The following MTSS1 variants were observed in gnomAD, a reference collection of about 807,000 sequenced individuals.
The protein encoded by MTSS1 is protein MTSS 1.
In MTSS1, 18 loss-of-function variants were observed where a neutral mutation model predicts 79.0. The observed-to-expected ratio is 0.23, with a 90% CI of 0.16 to 0.34. MTSS1 has a LOEUF of 0.34. Ranked by LOEUF, MTSS1 falls within the 10% of genes least tolerant of loss-of-function variation. MTSS1 has a pLI of 1.00. For synonymous variants in MTSS1, 341 were observed against 368.6 expected, an observed-to-expected ratio of 0.93 and a Z score of 0.86; for missense variants, 815 against 986.2, an observed-to-expected ratio of 0.83 and a Z score of 2.33.
intron 6 of MTSS1, among the ~76,000 whole-genome samples, chr8:124,584,586 T>C (rs1830537259): frequency 6.6e-6 from 1 of 152,138 alleles, no homozygotes; most frequent in South Asian, 2.1e-4. Context: ...CAGTGGTAGA[T>C]TATCAAGCTC....
chr8:124,640,412 A>T (rs968089580), intron 3 of MTSS1, among the ~76,000 whole-genome samples: 2 of 152,140 alleles, frequency 1.3e-5, no homozygotes, highest in Non-Finnish European at 2.9e-5. Context: ...TAGAGTGGGG[A>T]TCTGCTGACT....
chr8:124,593,915 C>T (rs1832302537), intron 3 of MTSS1, among the ~76,000 whole-genome samples: 1 of 152,178 alleles, frequency 6.6e-6, no homozygotes, highest in Non-Finnish European at 1.5e-5. Flanking sequence ...TATTGGTCTA[C>T]ACGCTATTAC....
rs142679194 is a variant in MTSS1 at position 124,659,515 on chromosome 8, T to G, written c.208+40011A>C. 3.7e-3 allele frequency among the ~76,000 whole-genome samples: 568 copies of G among 152,240 alleles called. 5 individuals carry two copies. Among genetic ancestry groups the G allele is most frequent in the African/African-American group, 0.013 (558 of 41,538 alleles). ...TAATTCCAGAAAAGCTACCTAAAAA[T>G]CACATGGCGCTGCTCAGCTCATTTC... On this transcript the variant is annotated intron_variant, in intron 3 of 13. Coordinates refer to ENST00000518547, the MANE Select transcript of MTSS1 (RefSeq NM_014751.6).
intron 3 of MTSS1, among the ~76,000 whole-genome samples, chr8:124,648,611 T>C (rs376635976): frequency 2.0e-5 from 3 of 152,012 alleles, no homozygotes; most frequent in South Asian, 4.2e-4. Flanking sequence ...CACATCAAAG[T>C]TGGTGGGAAG....
At chr8:124,660,847 G>A (rs1446325908) in intron 3 of MTSS1, among the ~76,000 whole-genome samples, 1 of 152,254 alleles carries the variant, frequency 6.6e-6, no homozygotes, top group East Asian at 1.9e-4. Flanking sequence ...TCTATACTAA[G>A]CAGCCTGGTC....
At chr8:124,643,065 G>A (rs1003372928) in intron 3 of MTSS1, among the ~76,000 whole-genome samples, 3 of 152,126 alleles carry the variant, frequency 2.0e-5, no homozygotes, top group African/African-American at 7.2e-5. Context: ...CATAATTAAG[G>A]GGGAAAACTG....
chr8:124,612,914 G>C (rs1218319064), intron 3 of MTSS1, among the ~76,000 whole-genome samples: 1 of 152,020 alleles, frequency 6.6e-6, no homozygotes, highest in East Asian at 1.9e-4. Context: ...CTAAACAAGT[G>C]GACAAATTCC....
At chr8:124,669,813 A>G (rs1349951664) in intron 3 of MTSS1, among the ~76,000 whole-genome samples, 2 of 152,188 alleles carry the variant, frequency 1.3e-5, no homozygotes, top group Non-Finnish European at 2.9e-5. Context: ...GCTACAGAAC[A>G]CTAGAGGAAT....
At chr8:124,698,153 A>G (rs1032943499) in intron 3 of MTSS1, 1 of 152,224 alleles carries the variant, frequency 6.6e-6, no homozygotes, top group African/African-American at 2.4e-5. Flanking sequence ...CTGAAATAAA[A>G]GGAGTTTGTT....
At chr8:124,616,340 G>A (rs908568159) in intron 3 of MTSS1, among the ~76,000 whole-genome samples, 3 of 148,832 alleles carry the variant, frequency 2.0e-5, no homozygotes, top group Non-Finnish European at 3.0e-5. Context: ...TCATTGCTGC[G>A]GCTGTTGTTA....
chr8:124,587,803 C>A (rs1831138817), intron 5 of MTSS1, among the ~76,000 whole-genome samples: 1 of 152,176 alleles, frequency 6.6e-6, no homozygotes, highest in Non-Finnish European at 1.5e-5. Flanking sequence ...CCACGCCTGG[C>A]CTATATTAAC....
chr8:124,562,852 G>A lies in MTSS1; in HGVS notation c.965C>T (p.Ser322Leu). 6.2e-7 allele frequency: 1 copy of A among 1,614,170 alleles called. No homozygotes were observed. The highest frequency in any genetic ancestry group is 8.5e-7 in the Non-Finnish European group (1 of 1,180,020). Reference protein sequence around the residue: ...VRLSSVSSHDSGFISQDAFQS... With the variant: ...VRLSSVSSHDLGFISQDAFQS... ...GAAGGCATCCTGGGATATGAATCCT[G>A]AGTCATGGGAGGACACGCTGGACAG... Residue 322 changes from serine to leucine, a missense_variant, in exon 10 of 14, where the codon TCA becomes TTA. Ser to Leu is a moderately radical substitution (Grantham distance 145). Around this residue, in one of 2 missense-constraint regions of MTSS1, gnomAD observed 590 missense variants for 620.8 expected, o/e 0.95. Transcript: ENST00000518547.
At chr8:124,669,547 G>A (rs1823740704) in intron 3 of MTSS1, among the ~76,000 whole-genome samples, 2 of 152,218 alleles carry the variant, frequency 1.3e-5, no homozygotes, top group African/African-American at 2.4e-5. Context: ...TATATTGAAG[G>A]TAGTTTTGTT....
intron 6 of MTSS1, among the ~76,000 whole-genome samples, chr8:124,572,656 T>C (rs1210987573): frequency 1.3e-5 from 2 of 151,950 alleles, no homozygotes; most frequent in Admixed American, 1.3e-4. Context: ...CCTGAACAGA[T>C]GCCAACAGCC....
At chr8:124,557,165 G>C (rs145878337) in intron 11 of MTSS1, among the ~76,000 whole-genome samples, 1 of 152,172 alleles carries the variant, frequency 6.6e-6, no homozygotes, top group African/African-American at 2.4e-5. Context: ...TAAAGTCTGC[G>C]TGTACTGTTA....
chr8:124,595,806 A>G lies in MTSS1; in HGVS notation c.209-4571T>C, dbSNP rs2008250. ...GAGTTGTGAATCTGGAGAGTGTGGC[A>G]GGGCACTGTGGCTGACTGCAGCACC... is the stretch of plus-strand genomic sequence containing the variant. On this transcript the variant is annotated intron_variant, in intron 3 of 13. Coordinates refer to ENST00000518547, the MANE Select transcript of MTSS1 (RefSeq NM_014751.6). Among the ~76,000 whole-genome samples, 39 of 152,104 alleles carry G rather than the reference A, an allele frequency of 2.6e-4. No individual in the cohort carries two copies. The South Asian group carries it at 6.2e-3, about 24-fold the overall frequency.
At chr8:124,620,092 T>A (rs146937138) in intron 3 of MTSS1, among the ~76,000 whole-genome samples, 96 of 152,224 alleles carry the variant, frequency 6.3e-4, no homozygotes, top group African/African-American at 2.1e-3. Context: ...ATTACAGGCA[T>A]GCGCCACCAT....
chr8:124,665,046 C>T (rs1822797554), intron 3 of MTSS1, among the ~76,000 whole-genome samples: 1 of 151,938 alleles, frequency 6.6e-6, no homozygotes, highest in African/African-American at 2.4e-5. Flanking sequence ...AGGAAATAAG[C>T]ATTTTTTTTA....
At chr8:124,578,499 A>G (rs1054937017) in intron 6 of MTSS1, among the ~76,000 whole-genome samples, 11 of 151,984 alleles carry the variant, frequency 7.2e-5, no homozygotes, top group Non-Finnish European at 1.5e-4. Flanking sequence ...TTTTGCTTAT[A>G]TTCATCCCAG....
Sources: gnomAD v4.1 joint callset for allele counts (sites outside exome capture counted in the v4.1 genomes callset) on GRCh38, gnomAD v4.1.1 for gene constraint, gnomAD v4.1.1 regional missense constraint, MANE v1.5 for transcripts, NCBI Gene and HGNC (gene_info 2026-07-23, HGNC 2026-07-21) for gene names.